SLC9A9: variants seen among roughly 807,000 people sequenced by gnomAD.
The protein encoded by SLC9A9 is solute carrier family 9 member A9, also known as sodium/hydrogen exchanger 9.
In SLC9A9, 62 loss-of-function variants were observed where a neutral mutation model predicts 77.8. The ratio of observed to expected loss-of-function variants is 0.80; its 90% CI spans 0.65 to 0.98. SLC9A9 has a LOEUF of 0.98. SLC9A9 is among the 50% of genes least tolerant of loss of function. The probability of loss-of-function intolerance (pLI) is 0.00; values close to 1 mark genes in which losing one functional copy is unlikely to be tolerated. For synonymous variants in SLC9A9, 320 were observed against 283.5 expected, an observed-to-expected ratio of 1.13 and a Z score of -1.29; for missense variants, 775 against 774.9, an observed-to-expected ratio of 1.00 and a Z score of 0.00.
chr3:143,381,812 GTAAA>G, intron 13 of SLC9A9: 1 of 518,016 alleles, frequency 1.9e-6, no homozygotes, highest in Non-Finnish European at 3.5e-6. Context: ...CATATACTTT[GTAAA>G]GTTTCCAGAC....
At chr3:143,592,367 G>C (rs1477764715) in intron 6 of SLC9A9, among the ~76,000 whole-genome samples, 1 of 152,132 alleles carries the variant, frequency 6.6e-6, no homozygotes, top group Non-Finnish European at 1.5e-5. Context: ...CTCTAGCCTG[G>C]GTGACAGAGC....
chr3:143,479,563 G>A (rs140150968), intron 11 of SLC9A9, among the ~76,000 whole-genome samples: 2 of 152,302 alleles, frequency 1.3e-5, no homozygotes, highest in African/African-American at 4.8e-5. Flanking sequence ...TGAGTTACAT[G>A]TTTTGTTTCA....
chr3:143,714,072 G>A (rs1934266692), intron 4 of SLC9A9, among the ~76,000 whole-genome samples: 1 of 152,174 alleles, frequency 6.6e-6, no homozygotes, highest in Non-Finnish European at 1.5e-5. Context: ...ATTCTTGTCT[G>A]TGTCGAAAAA....
At chr3:143,302,888 A>C (rs1281591882) in intron 14 of SLC9A9, among the ~76,000 whole-genome samples, 1 of 152,196 alleles carries the variant, frequency 6.6e-6, no homozygotes, top group Admixed American at 6.5e-5. Flanking sequence ...CTTGTTCTCA[A>C]TTATCCTCCA....
At chr3:143,457,054 C>T (rs187012747) in intron 12 of SLC9A9, among the ~76,000 whole-genome samples, 1 of 152,240 alleles carries the variant, frequency 6.6e-6, no homozygotes, top group Admixed American at 6.5e-5. Flanking sequence ...TCCTTTCTTG[C>T]TCTGTTGCCA....
rs548145821 is a variant in SLC9A9, at chr3:143,302,230, C to T, written c.1605-33250G>A. Among the ~76,000 whole-genome samples the T allele has an allele frequency of 7.9e-5, 12 of 152,234 alleles. No homozygotes were observed. The South Asian group carries it at 2.5e-3, about 32-fold the overall frequency. Reference sequence around the variant, plus strand: ...GTGGGGGATGCTGGAGGCATCAGCCCCCATTTCCTCTGGATGATTGCCCTA... The same window carrying T: ...GTGGGGGATGCTGGAGGCATCAGCCTCCATTTCCTCTGGATGATTGCCCTA... On this transcript the variant is annotated intron_variant, in intron 14 of 15. Coordinates refer to ENST00000316549, the MANE Select transcript of SLC9A9 (RefSeq NM_173653.4).
chr3:143,515,441 C>A (rs965830329), intron 9 of SLC9A9, among the ~76,000 whole-genome samples: 12 of 152,138 alleles, frequency 7.9e-5, no homozygotes, highest in Admixed American at 5.9e-4. Flanking sequence ...CTGTAAAGCA[C>A]AATAAAGAGA....
At chr3:143,557,281 T>C (rs891854315) in intron 8 of SLC9A9, among the ~76,000 whole-genome samples, 1 of 152,224 alleles carries the variant, frequency 6.6e-6, no homozygotes, top group Non-Finnish European at 1.5e-5. Flanking sequence ...CTTGCAGAAC[T>C]GTGAGTCAAT....
intron 14 of SLC9A9, among the ~76,000 whole-genome samples, chr3:143,358,048 C>T (rs1287632613): frequency 1.9e-4 from 28 of 146,240 alleles, no homozygotes; most frequent in African/African-American, 5.4e-4. Context: ...TTAGTTAAGA[C>T]TAAAATGCCA....
chr3:143,725,107 A>AT (rs1347954910), intron 4 of SLC9A9, among the ~76,000 whole-genome samples: 3 of 152,134 alleles, frequency 2.0e-5, no homozygotes, highest in Non-Finnish European at 2.9e-5. Flanking sequence ...TTCAGTGTTC[A>AT]TTTTTTTCCT....
intron 5 of SLC9A9, among the ~76,000 whole-genome samples, chr3:143,677,002 A>G (rs567974364): frequency 6.6e-6 from 1 of 152,246 alleles, no homozygotes; most frequent in South Asian, 2.1e-4. Flanking sequence ...ACACACATGG[A>G]GTTTGGGGAC....
At chr3:143,554,181 G>T (rs978983358) in intron 8 of SLC9A9, among the ~76,000 whole-genome samples, 2 of 152,150 alleles carry the variant, frequency 1.3e-5, no homozygotes, top group Non-Finnish European at 2.9e-5. Context: ...AACAAGAATA[G>T]GTAACAAAGA....
chr3:143,848,203 T>C lies in SLC9A9; in HGVS notation c.120A>G (p.Leu40=), dbSNP rs1576769860. ...LLILTILTIW[L]FKNHRFRFLH... ...AGAAGCGGAATCGATGATTTTTAAATAACCAGATTGTCAAAATGGTAAGGA... is the reference window on the plus strand; with the variant it reads ...AGAAGCGGAATCGATGATTTTTAAACAACCAGATTGTCAAAATGGTAAGGA... Residue 40 remains leucine (L), a synonymous_variant, in exon 1 of 16, where the codon TTA becomes TTG. Coordinates refer to ENST00000316549, the MANE Select transcript of SLC9A9 (RefSeq NM_173653.4). 1 of 1,614,022 alleles carries C rather than the reference T, an allele frequency of 6.2e-7. No individual in the cohort carries two copies. Among genetic ancestry groups the C allele is most frequent in the Middle Eastern group, 1.6e-4 (1 of 6,062 alleles).
At chr3:143,523,746 C>T (rs1273290971) in intron 9 of SLC9A9, among the ~76,000 whole-genome samples, 1 of 152,032 alleles carries the variant, frequency 6.6e-6, no homozygotes, top group Non-Finnish European at 1.5e-5. Flanking sequence ...ATGTCCAGCC[C>T]ATAGGGATTC....
intron 4 of SLC9A9, among the ~76,000 whole-genome samples, chr3:143,790,090 GA>G (rs1309146544): frequency 6.6e-6 from 1 of 152,102 alleles, no homozygotes; most frequent in Non-Finnish European, 1.5e-5. Flanking sequence ...TTATGATAGT[GA>G]GTGAGTTCTC....
At chr3:143,550,005 A>AG (rs1387399402) in intron 9 of SLC9A9, among the ~76,000 whole-genome samples, 1 of 152,096 alleles carries the variant, frequency 6.6e-6, no homozygotes, top group East Asian at 1.9e-4. Flanking sequence ...TGTTTCACTC[A>AG]GGGGGCCTCA....
intron 5 of SLC9A9, among the ~76,000 whole-genome samples, chr3:143,657,941 A>G (rs1170071933): frequency 6.6e-6 from 1 of 152,128 alleles, no homozygotes; most frequent in Non-Finnish European, 1.5e-5. Flanking sequence ...ATCTCAGCTC[A>G]CTGCAACCTC....
At chr3:143,354,862 A>T (rs1231175684) in intron 14 of SLC9A9, among the ~76,000 whole-genome samples, 2 of 152,228 alleles carry the variant, frequency 1.3e-5, no homozygotes, top group Non-Finnish European at 2.9e-5. Flanking sequence ...CCATGGCTTC[A>T]CCTGAAAGGT....
At chr3:143,517,222 C>A in intron 9 of SLC9A9, 1 of 1,277,602 alleles carries the variant, frequency 7.8e-7, no homozygotes. Context: ...GAGCCACATC[C>A]TGGAAGGCCA....
Sources: allele counts gnomAD v4.1 joint callset (sites outside exome capture counted in the v4.1 genomes callset), GRCh38; gene constraint gnomAD v4.1.1; transcripts MANE v1.5; gene names NCBI Gene and HGNC (gene_info 2026-07-23, HGNC 2026-07-21).